The following ZMIZ1 variants were observed in gnomAD, a reference collection of about 807,000 sequenced individuals.
ZMIZ1 encodes the protein zinc finger MIZ domain-containing protein 1.
Under a neutral mutation model 113.9 loss-of-function variants are expected in ZMIZ1, and 17 were observed. That is an observed-to-expected ratio of 0.15 (90% CI 0.10 to 0.22). ZMIZ1 has a LOEUF of 0.22. ZMIZ1 is among the 10% of genes least tolerant of loss of function. The pLI is 1.00. For synonymous variants in ZMIZ1, 607 were observed against 603.1 expected (o/e 1.01, Z -0.09); for missense variants, 1,059 against 1,477.8 (o/e 0.72, Z 4.65).
intron 1 of ZMIZ1, among the ~76,000 whole-genome samples, chr10:79,080,013 C>G (rs1842604515): frequency 5.3e-5 from 8 of 152,178 alleles, no homozygotes; most frequent in Admixed American, 5.2e-4. Context: ...GGTTAGGAGT[C>G]CTTAGCTGGG....
Position 79,291,161 on chromosome 10 carries a change from G to A in ZMIZ1, c.743G>A (p.Gly248Glu). 1.2e-6 allele frequency: 2 copies of A among 1,610,636 alleles called. No individual in the cohort carries two copies. Among genetic ancestry groups the A allele is most frequent in the Non-Finnish European group, 1.7e-6 (2 of 1,177,604 alleles). ...GGCCGGCCCAACTACCCCGGCAGCG[G>A]GGGCTTTGGGGCCAGGTGAGCAGGG... ...MYGRPNYPGS[G>E]GFGASYPGGP... is the part of the protein sequence containing the mutation. The change falls in exon 10 of 25, where the codon GGG (glycine) becomes GAG (glutamate). Residue 248 changes from glycine (G) to glutamate (E), a missense_variant. This residue lies in a region of ZMIZ1 where 272 missense variants were observed against 350.4 expected (regional missense o/e 0.78). Coordinates refer to ENST00000334512, the MANE Select transcript of ZMIZ1 (RefSeq NM_020338.4).
chr10:79,116,984 C>G lies in ZMIZ1; in HGVS notation c.-336-1931C>G, dbSNP rs554160595. ...TTTGGCTGGACTTCTCCTCCTGATT[C>G]GCTTGGGCTCATGTGACTCCAGTCA... is the stretch of plus-strand genomic sequence containing the variant. On this transcript the variant is annotated intron_variant, in intron 1 of 24. Transcript: ENST00000334512. Among the ~76,000 whole-genome samples, 259 of 152,372 alleles carry G rather than the reference C, an allele frequency of 1.7e-3. 2 individuals carry two copies. The highest frequency in any genetic ancestry group is 2.6e-3 in the Non-Finnish European group (179 of 68,036).
intron 2 of ZMIZ1, among the ~76,000 whole-genome samples, chr10:79,123,329 C>T (rs1257563976): frequency 1.3e-5 from 2 of 152,248 alleles, no homozygotes; most frequent in East Asian, 1.9e-4. Context: ...TTCTGATGAG[C>T]GACTTCATCT....
rs1266060775 is a variant in ZMIZ1, at chr10:79,314,236, G to A, written c.*1487G>A. On this transcript the variant is annotated 3_prime_UTR_variant, in exon 25 of 25. Coordinates refer to ENST00000334512, the MANE Select transcript of ZMIZ1 (RefSeq NM_020338.4). ...TTTGTTTCAGGCTGGTCTGTGCCCC[G>A]TGAGCCACATGGCCTAGGGTGATGC... is the stretch of plus-strand genomic sequence containing the variant. 2 of 457,034 alleles carry A rather than the reference G, an allele frequency of 4.4e-6. No homozygotes were observed. Among genetic ancestry groups the A allele is most frequent in the Admixed American group, 2.3e-5 (1 of 42,582 alleles). The allele number at this position is 457,034 out of a possible 1,614,324, so 28.3% of individuals were successfully genotyped here.
At chr10:79,202,988 C>T (rs1000115830) in intron 5 of ZMIZ1, among the ~76,000 whole-genome samples, 8 of 152,228 alleles carry the variant, frequency 5.3e-5, no homozygotes, top group African/African-American at 1.2e-4. Context: ...GGGTGATGCA[C>T]GTAGCCCAGC....
rs1485389137 is a variant in ZMIZ1 at position 79,306,103 on chromosome 10, C to T, written c.2427C>T (p.Ser809=). ...MWGILNAIQH[S]EFEEVTIDPT... ...TCTGCCACCCTTCCTCCCCCAGCTC[C>T]GAGTTTGAAGAGGTCACCATCGATC... The change falls in exon 22 of 25, where the codon TCC becomes TCT. Residue 809 remains serine, a synonymous_variant. Transcript: ENST00000334512. 54 of 1,610,384 alleles carry T rather than the reference C, an allele frequency of 3.4e-5. 1 individual carries two copies. Among genetic ancestry groups the T allele is most frequent in the Non-Finnish European group, 4.2e-5 (50 of 1,177,954 alleles).
chr10:79,257,156 G>C (rs1011614774), intron 7 of ZMIZ1, among the ~76,000 whole-genome samples: 1 of 152,182 alleles, frequency 6.6e-6, no homozygotes, highest in Admixed American at 6.5e-5. Context: ...TGTCAACTCC[G>C]CTCATCCCAT....
intron 7 of ZMIZ1, among the ~76,000 whole-genome samples, chr10:79,235,660 A>T (rs1052457709): frequency 1.3e-5 from 2 of 152,198 alleles, no homozygotes; most frequent in African/African-American, 4.8e-5. Context: ...TAGGTGAGGG[A>T]AAGAGCCGAC....
chr10:79,253,155 T>C (rs1378656314), intron 7 of ZMIZ1, among the ~76,000 whole-genome samples: 2 of 152,168 alleles, frequency 1.3e-5, no homozygotes, highest in Non-Finnish European at 2.9e-5. Context: ...GCAGAGATTA[T>C]GTGTTGATGA....
At chr10:79,279,156 G>C (rs942114085) in intron 8 of ZMIZ1, among the ~76,000 whole-genome samples, 4 of 147,200 alleles carry the variant, frequency 2.7e-5, no homozygotes, top group African/African-American at 1.0e-4. Flanking sequence ...GGCTGCCCCC[G>C]ACCTCCCGGA....
intron 2 of ZMIZ1, among the ~76,000 whole-genome samples, chr10:79,127,077 C>T (rs1436947764): frequency 6.6e-6 from 1 of 150,668 alleles, no homozygotes; most frequent in African/African-American, 2.4e-5. Context: ...TGACCAACTC[C>T]TTCTTTCCTC....
At chr10:79,279,453 G>A (rs188991513) in intron 8 of ZMIZ1, among the ~76,000 whole-genome samples, 5,967 of 151,910 alleles carry the variant, frequency 0.039, 143 homozygotes, top group Middle Eastern at 0.061. Flanking sequence ...GATGTCAGCC[G>A]GGAAGAGGCG....
At chr10:79,305,314 G>T (rs1854612514) in intron 20 of ZMIZ1, 83 bp downstream of exon 20, 1 of 1,498,354 alleles carries the variant, frequency 6.7e-7, no homozygotes, top group African/African-American at 1.4e-5. Flanking sequence ...ACCTCCACCT[G>T]CCCTAAATGC....
intron 2 of ZMIZ1, among the ~76,000 whole-genome samples, chr10:79,137,934 C>T (rs557796168): frequency 2.0e-5 from 3 of 152,276 alleles, no homozygotes; most frequent in East Asian, 1.9e-4. Flanking sequence ...CACAGCTGTG[C>T]GGTCCTGGGC....
intron 7 of ZMIZ1, among the ~76,000 whole-genome samples, chr10:79,233,458 C>T (rs999921770): frequency 2.6e-5 from 4 of 152,218 alleles, no homozygotes; most frequent in African/African-American, 7.2e-5. Flanking sequence ...GTGCAAAGAG[C>T]GCCCTCAAGC....
At chr10:79,309,717 G>A (rs538654341) in intron 23 of ZMIZ1, among the ~76,000 whole-genome samples, 9 of 152,232 alleles carry the variant, frequency 5.9e-5, no homozygotes, top group Non-Finnish European at 1.3e-4. Context: ...CGAGGATGGT[G>A]TGGCTGCAAA....
chr10:79,277,924 C>T (rs1336777448), intron 8 of ZMIZ1, among the ~76,000 whole-genome samples: 1 of 152,250 alleles, frequency 6.6e-6, no homozygotes, highest in East Asian at 1.9e-4. Context: ...TCTCTCTGAG[C>T]GCTCTGCAGG....
chr10:79,071,638 C>T (rs551773826), intron 1 of ZMIZ1, among the ~76,000 whole-genome samples: 4 of 152,260 alleles, frequency 2.6e-5, no homozygotes, highest in Non-Finnish European at 5.9e-5. Context: ...TGGCTCCTGG[C>T]CCCAGTGCAG....
intron 6 of ZMIZ1, among the ~76,000 whole-genome samples, chr10:79,213,776 G>A (rs1339615262): frequency 1.3e-5 from 2 of 152,176 alleles, no homozygotes; most frequent in African/African-American, 4.8e-5. Context: ...AGACTGCCTG[G>A]ATCACATCCT....
Sources: allele counts gnomAD v4.1 joint callset (sites outside exome capture counted in the v4.1 genomes callset), GRCh38; gene constraint gnomAD v4.1.1; regional missense constraint gnomAD v4.1.1; transcripts MANE v1.5; gene names NCBI Gene and HGNC (gene_info 2026-07-23, HGNC 2026-07-21).